Variants in TMEM164 observed in about 807,000 individuals in gnomAD.
The protein encoded by TMEM164 is RP13-360B22.2.
In TMEM164, 4 loss-of-function variants were observed where a neutral mutation model predicts 18.8. That is an observed-to-expected ratio of 0.21 (90% CI 0.10 to 0.49). The LOEUF is 0.49. Among genes scored for constraint, TMEM164 ranks in the 20% least tolerant of loss-of-function variants. The pLI is 0.98. For synonymous variants in TMEM164, 86 were observed against 101.7 expected, an observed-to-expected ratio of 0.85 and a Z score of 0.93; for missense variants, 108 against 239.9, an observed-to-expected ratio of 0.45 and a Z score of 3.63.
chrX:110,070,669 G>C (rs1251485452), intron 3 of TMEM164, among the ~76,000 whole-genome samples: 1 of 110,155 alleles, frequency 9.1e-6, no homozygotes, highest in Non-Finnish European at 1.9e-5. Context: ...CATACTGCTT[G>C]AGCTCAGGAG....
chrX:110,138,783 C>G (rs757529200), intron 4 of TMEM164, among the ~76,000 whole-genome samples: 27 of 111,925 alleles, frequency 2.4e-4, no homozygotes, highest in Non-Finnish European at 4.7e-4. Flanking sequence ...TGAGTGGTAT[C>G]TAGAATCTCT....
At chrX:110,102,617 C>A (rs1337628881) in intron 3 of TMEM164, among the ~76,000 whole-genome samples, 1 of 111,998 alleles carries the variant, frequency 8.9e-6, no homozygotes, top group Non-Finnish European at 1.9e-5. Flanking sequence ...AATACAGCCA[C>A]TGTATATTGA....
downstream of TMEM164, among the ~76,000 whole-genome samples, chrX:110,183,072 G>A (rs2067329270): frequency 8.9e-6 from 1 of 112,191 alleles, no homozygotes; most frequent in African/African-American, 3.2e-5. Flanking sequence ...CAAAGCTGAT[G>A]AGGCCGATTA....
At chrX:110,141,552 T>G (rs2066771152) in intron 4 of TMEM164, among the ~76,000 whole-genome samples, 2 of 111,582 alleles carry the variant, frequency 1.8e-5, no homozygotes, top group Non-Finnish European at 3.8e-5. Context: ...TCAGATCTCA[T>G]GAGACTTATT....
At chrX:110,116,162 G>T (rs1459779528) in intron 4 of TMEM164, among the ~76,000 whole-genome samples, 1 of 112,093 alleles carries the variant, frequency 8.9e-6, no homozygotes, top group African/African-American at 3.2e-5. Flanking sequence ...TATGTTTCAA[G>T]AAATGGGAAA....
At position 110,003,649 on chromosome X, in the gene TMEM164, T is replaced by G; in HGVS notation, c.-126T>G. On this transcript the variant is annotated 5_prime_UTR_variant, in exon 2 of 7. Transcript: ENST00000372068. ...TTCCCCTCCCCTACTCTCGGTGCCC[T>G]GGTGTCTGGAGGGGGGTTGTGGGGG... 1 of 784,082 alleles carries G rather than the reference T, an allele frequency of 1.3e-6. No individual in the cohort carries two copies. Among genetic ancestry groups the G allele is most frequent in the Non-Finnish European group, 1.8e-6 (1 of 551,699 alleles). The allele number at this position is 784,082 out of a possible 1,213,427, so 64.6% of individuals were successfully genotyped here. A position where few individuals can be genotyped will look rare whatever the true frequency, so the allele number is the denominator to read the frequency against.
At chrX:110,094,164 T>C (rs1411600881) in intron 3 of TMEM164, among the ~76,000 whole-genome samples, 2 of 112,376 alleles carry the variant, frequency 1.8e-5, no homozygotes, top group Non-Finnish European at 3.8e-5. Flanking sequence ...GTATATTCTG[T>C]TGATTTGGGG....
chrX:110,118,762 A>G (rs1363153593), intron 4 of TMEM164, among the ~76,000 whole-genome samples: 1 of 111,174 alleles, frequency 9.0e-6, no homozygotes, highest in Non-Finnish European at 1.9e-5. Flanking sequence ...CAAGCAGTAG[A>G]TTGTAGAGCA....
chrX:110,033,147 C>G (rs888101889), intron 2 of TMEM164, among the ~76,000 whole-genome samples: 1 of 111,893 alleles, frequency 8.9e-6, no homozygotes, highest in Non-Finnish European at 1.9e-5. Context: ...TCTTCTCTCA[C>G]TGTCTCTAAC....
intron 5 of TMEM164, among the ~76,000 whole-genome samples, chrX:110,161,821 G>T (rs1414832303): frequency 1.8e-5 from 2 of 112,472 alleles, no homozygotes; most frequent in Non-Finnish European, 1.9e-5. Flanking sequence ...GGCCCACTCA[G>T]ACTTCCTGGA....
chrX:110,090,987 G>T (rs981725714), intron 3 of TMEM164, among the ~76,000 whole-genome samples: 7 of 110,147 alleles, frequency 6.4e-5, no homozygotes, highest in Admixed American at 4.9e-4. Flanking sequence ...GATAGTTTGT[G>T]GAGAATGATG....
At chrX:110,041,505 TAA>T (rs1935090451) in intron 2 of TMEM164, among the ~76,000 whole-genome samples, 1 of 111,318 alleles carries the variant, frequency 9.0e-6, no homozygotes, top group Non-Finnish European at 1.9e-5. Flanking sequence ...TGTCTGGACA[TAA>T]GATTTGTTGG....
chrX:110,134,377 CTG>C (rs1344629206), intron 4 of TMEM164, among the ~76,000 whole-genome samples: 1 of 110,151 alleles, frequency 9.1e-6, no homozygotes, highest in East Asian at 2.8e-4. Context: ...TGGCAAAACT[CTG>C]TATCTACTAA....
intron 2 of TMEM164, among the ~76,000 whole-genome samples, chrX:110,051,793 A>C: frequency 8.9e-6 from 1 of 111,869 alleles, no homozygotes; most frequent in Non-Finnish European, 1.9e-5. Flanking sequence ...CTCAGCTTCC[A>C]GCTGACTCCC....
chrX:110,126,868 T>G (rs1190609898), intron 4 of TMEM164, among the ~76,000 whole-genome samples: 1 of 87,973 alleles, frequency 1.1e-5, no homozygotes, highest in Non-Finnish European at 2.2e-5. Flanking sequence ...GTGTGTGGTG[T>G]TGGTGGGAAG....
intron 2 of TMEM164, chrX:110,020,406 G>T (rs1933743057): frequency 1.3e-6 from 1 of 752,737 alleles, no homozygotes; most frequent in Non-Finnish European, 1.6e-6. Context: ...TGTGGTGAAG[G>T]CTAGAAATGT....
intron 2 of TMEM164, among the ~76,000 whole-genome samples, chrX:110,058,972 T>C (rs1935990003): frequency 9.1e-6 from 1 of 110,374 alleles, no homozygotes; most frequent in Non-Finnish European, 1.9e-5. Flanking sequence ...ATTTGAAGCA[T>C]GAAATATTTT....
intron 2 of TMEM164, among the ~76,000 whole-genome samples, chrX:110,033,480 G>A (rs1368204030): frequency 2.7e-5 from 3 of 112,091 alleles, no homozygotes; most frequent in African/African-American, 6.5e-5. Context: ...CTGAGAGAAT[G>A]AGTAAACAGT....
At chrX:110,094,349 T>G (rs994584524) in intron 3 of TMEM164, among the ~76,000 whole-genome samples, 3 of 112,108 alleles carry the variant, frequency 2.7e-5, no homozygotes, top group African/African-American at 9.7e-5. Context: ...AAGGACTTGC[T>G]TTATGAATCT....
Sources: gnomAD v4.1 joint callset for allele counts (sites outside exome capture counted in the v4.1 genomes callset) on GRCh38, gnomAD v4.1.1 for gene constraint, MANE v1.5 for transcripts, NCBI Gene and HGNC (gene_info 2026-07-23, HGNC 2026-07-21) for gene names.